USP9Y: variants seen among roughly 807,000 people sequenced by gnomAD.
The protein encoded by USP9Y is ubiquitin specific peptidase 9 Y-linked, also known as ubiquitin carboxyl-terminal hydrolase 9Y.
Under a neutral mutation model 53.1 loss-of-function variants are expected in USP9Y, and 41 were observed. The observed-to-expected ratio is 0.77, with a 90% CI of 0.60 to 1.00. The LOEUF is 1.00. Among genes scored for constraint, USP9Y ranks in the 50% least tolerant of loss-of-function variants. The pLI is 0.00. For synonymous variants in USP9Y, 220 were observed against 173.7 expected (o/e 1.27, Z -2.09); for missense variants, 567 against 535.8 (o/e 1.06, Z -0.58).
chrY:12,798,407 G>A, intron 27 of USP9Y, among the ~76,000 whole-genome samples: 1 of 33,690 alleles, frequency 3.0e-5, no homozygotes, highest in Non-Finnish European at 7.3e-5. Flanking sequence ...CAGCCCTCAA[G>A]TTTCAGGTTA....
At chrY:12,826,659 A>G (rs745476024) in intron 33 of USP9Y, among the ~76,000 whole-genome samples, 14 of 29,254 alleles carry the variant, frequency 4.8e-4, no homozygotes, top group Non-Finnish European at 1.6e-4. Context: ...AATTAAACCC[A>G]AAACAAGCAA....
intron 27 of USP9Y, among the ~76,000 whole-genome samples, chrY:12,809,126 CTTTATATAGGTCATGT>C (rs2053527468): frequency 3.0e-5 from 1 of 33,169 alleles, no homozygotes; most frequent in Non-Finnish European, 7.4e-5. Context: ...CATGTGATAG[CTTTATATAGGTCATGT>C]TTTATATAGG....
chrY:12,820,095 G>GGGA (rs2053539770), intron 33 of USP9Y, among the ~76,000 whole-genome samples: 1 of 32,781 alleles, frequency 3.1e-5, no homozygotes, highest in Non-Finnish European at 7.5e-5. Context: ...CAGCAACAGA[G>GGGA]GGAGACCCTA....
At chrY:12,799,314 A>T in intron 27 of USP9Y, among the ~76,000 whole-genome samples, 1 of 33,217 alleles carries the variant, frequency 3.0e-5, no homozygotes, top group Non-Finnish European at 7.4e-5. Flanking sequence ...CACCTGTGCA[A>T]GCTTCCAGCT....
intron 45 of USP9Y, 111 bp from the exon 46 acceptor site, chrY:12,859,167 AG>A: frequency 4.6e-6 from 1 of 218,231 alleles, no homozygotes; most frequent in Non-Finnish European, 7.3e-6. Context: ...TTTTTTTTAA[AG>A]ATCCAGGTTT....
chrY:12,816,406 A>T, intron 32 of USP9Y, 62 bp downstream of exon 32: 1 of 281,838 alleles, frequency 3.5e-6, no homozygotes, highest in Non-Finnish European at 5.5e-6. Context: ...TCTCCCTCAG[A>T]TTACTATACT....
chrY:12,783,843 A>G (rs2053499765), intron 22 of USP9Y, among the ~76,000 whole-genome samples: 1 of 33,462 alleles, frequency 3.0e-5, no homozygotes, highest in Admixed American at 2.7e-4. Flanking sequence ...CTCTTTCCCT[A>G]TACGAAAGTT....
intron 12 of USP9Y, among the ~76,000 whole-genome samples, chrY:12,747,688 G>C: frequency 2.9e-5 from 1 of 34,200 alleles, no homozygotes. Context: ...TCATATTCGG[G>C]TTCCCAGTTT....
Position 12,758,564 on chromosome Y carries a change from A to G in USP9Y, c.1688A>G (p.Asn563Ser). 2.6e-6 allele frequency: 1 copy of G among 386,249 alleles called. No individual in the cohort carries two copies. Among genetic ancestry groups the G allele is most frequent in the Non-Finnish European group, 3.6e-6 (1 of 274,452 alleles). The change falls in exon 14 of 46, where the codon AAT (asparagine) becomes AGT (serine). Residue 563 changes from asparagine (N) to serine (S), a missense_variant. Asn to Ser is a conservative substitution (Grantham distance 46). Coordinates refer to ENST00000338981, the MANE Select transcript of USP9Y (RefSeq NM_004654.4). ...IDHFIEELRT[N>S]DKWVIPALKQ... The stretch of plus-strand genomic sequence containing the variant: ...CACTTTATAGAAGAACTTCGCACAA[A>G]TGACAAGTGGGTAATTCCTGCTCTG...
At chrY:12,773,957 A>T (rs772183475) in intron 17 of USP9Y, 32 bp downstream of exon 17, 3 of 321,889 alleles carry the variant, frequency 9.3e-6, no homozygotes, top group Non-Finnish European at 1.4e-5. Context: ...TCATATGCCA[A>T]CATTGTACCT....
At chrY:12,822,554 G>A (rs2053542726) in intron 33 of USP9Y, among the ~76,000 whole-genome samples, 1 of 32,063 alleles carries the variant, frequency 3.1e-5, no homozygotes, top group Non-Finnish European at 7.6e-5. Context: ...TAGTAGAGAC[G>A]GAGTTTTACC....
chrY:12,711,251 A>G, intron 3 of USP9Y, among the ~76,000 whole-genome samples: 1 of 32,787 alleles, frequency 3.0e-5, no homozygotes, highest in Non-Finnish European at 7.4e-5. Flanking sequence ...CTTAATGAGT[A>G]TGGCATCTGT....
At chrY:12,844,068 A>G (rs2053564703) in intron 39 of USP9Y, among the ~76,000 whole-genome samples, 2 of 33,547 alleles carry the variant, frequency 6.0e-5, no homozygotes, top group African/African-American at 2.3e-4. Flanking sequence ...AATATCAGCA[A>G]TTCAGGTGTT....
At chrY:12,784,376 A>G in intron 22 of USP9Y, among the ~76,000 whole-genome samples, 1 of 33,216 alleles carries the variant, frequency 3.0e-5, no homozygotes, top group Non-Finnish European at 7.5e-5. Context: ...CTTTCTTTCT[A>G]TCTGAAGGTT....
chrY:12,834,630 A>G (rs2053553710), intron 34 of USP9Y, among the ~76,000 whole-genome samples: 1 of 33,207 alleles, frequency 3.0e-5, no homozygotes, highest in South Asian at 6.8e-4. Context: ...TAGTTCAAAT[A>G]CCTCTTATTT....
intron 22 of USP9Y, among the ~76,000 whole-genome samples, chrY:12,783,067 C>T: frequency 5.9e-5 from 2 of 33,761 alleles, no homozygotes; most frequent in African/African-American, 2.3e-4. Flanking sequence ...TAATGGAAGG[C>T]GTGGCTGTTA....
rs2053457118 is a variant in USP9Y at position 12,741,857 on chromosome Y, TTCTA to T, written c.1422+2232_1422+2235del. ...TAACTACATTCCTCACTGTCTAGTTTTCTATCTTTTAATCACTCCTCTTTGATTC... is the reference window on the plus strand; with the variant it reads ...TAACTACATTCCTCACTGTCTAGTTTTCTTTTAATCACTCCTCTTTGATTC... On this transcript the variant is annotated intron_variant, in intron 12 of 45. Coordinates refer to ENST00000338981, the MANE Select transcript of USP9Y (RefSeq NM_004654.4). 8.8e-5 allele frequency among the ~76,000 whole-genome samples: 3 copies of T among 34,016 alleles called. No homozygotes were observed. The South Asian group carries it at 1.9e-3, about 22-fold the overall frequency. 91.3% of individuals were successfully genotyped at this position (34,016 alleles called of 37,273 possible).
chrY:12,790,193 G>A (rs781431984), intron 24 of USP9Y, among the ~76,000 whole-genome samples: 3 of 32,555 alleles, frequency 9.2e-5, no homozygotes, highest in East Asian at 8.0e-4. Flanking sequence ...AAACACCTCC[G>A]TACGTCTATC....
Position 12,847,127 on chromosome Y carries a change from A to G in USP9Y, c.6949A>G (p.Thr2317Ala). Residue 2317 changes from threonine (T) to alanine (A), a missense_variant, in exon 41 of 46, where the codon ACT (threonine) becomes GCT (alanine). Thr to Ala is a moderately conservative substitution (Grantham distance 58, BLOSUM62 0). Transcript: ENST00000338981. ...TTGGGAGAATCCTCAGTTCTCATCT[A>G]CTGTCCTCAGCGAACTTCTCTGGCA... is the stretch of plus-strand genomic sequence containing the variant. ...CSWENPQFSS[T>A]VLSELLWQVA... 1 of 398,964 alleles carries G rather than the reference A, an allele frequency of 2.5e-6. No individual in the cohort carries two copies. Among genetic ancestry groups the G allele is most frequent in the Non-Finnish European group, 3.5e-6 (1 of 283,361 alleles).
Sources: allele counts gnomAD v4.1 joint callset (sites outside exome capture counted in the v4.1 genomes callset), GRCh38; gene constraint gnomAD v4.1.1; transcripts MANE v1.5; gene names NCBI Gene and HGNC (gene_info 2026-07-23, HGNC 2026-07-21).